The following SHE variants were observed in gnomAD, a reference collection of about 807,000 sequenced individuals.
SHE encodes SH2 domain-containing adapter protein E.
In SHE, 11 loss-of-function variants were observed where a neutral mutation model predicts 49.8. The ratio of observed to expected loss-of-function variants is 0.22; its 90% CI spans 0.14 to 0.37. SHE has a LOEUF of 0.37. Among genes scored for constraint, SHE ranks in the 10% least tolerant of loss-of-function variants. The pLI is 1.00. For missense variants in SHE, 624 were observed against 655.5 expected, an observed-to-expected ratio of 0.95 and a Z score of 0.52; for synonymous variants, 310 against 278.1, an observed-to-expected ratio of 1.11 and a Z score of -1.14.
Position 154,485,986 on chromosome 1 carries a change from G to T in SHE, c.1258C>A (p.Arg420=). 4 of 1,613,998 alleles carry T rather than the reference G, an allele frequency of 2.5e-6. No homozygotes were observed. Among genetic ancestry groups the T allele is most frequent in the Non-Finnish European group, 3.4e-6 (4 of 1,179,960 alleles). The stretch of plus-strand genomic sequence containing the variant: ...CTGCTGTTCCCTGACTCACTATTTC[G>T]AACCAGGTAACCAGCTTCTTTGCAG... ...QPCKEAGYLV[R]NSESGNSRYS... Residue 420 remains arginine, a synonymous_variant, in exon 5 of 6, where the codon CGA becomes AGA. Transcript: ENST00000304760.
chr1:154,480,575 G>A lies in SHE; in HGVS notation c.*3574C>T, dbSNP rs1171622611. 8 of 985,264 alleles carry A rather than the reference G, an allele frequency of 8.1e-6. No individual in the cohort carries two copies. In the East Asian group the frequency reaches 3.4e-4, roughly 42 times the overall value. 61.0% of individuals were successfully genotyped at this position (985,264 alleles called of 1,614,324 possible). A position where few individuals can be genotyped will look rare whatever the true frequency, so the allele number is the denominator to read the frequency against. On this transcript the variant is annotated 3_prime_UTR_variant, in exon 6 of 6. Coordinates refer to ENST00000304760, the MANE Select transcript of SHE (RefSeq NM_001010846.3). ...CTACCTGCCCACCTCCCCATCCTGCGGCAGAGGCTAGTACACAAATACCAA... is the reference window on the plus strand; with the variant it reads ...CTACCTGCCCACCTCCCCATCCTGCAGCAGAGGCTAGTACACAAATACCAA...
Position 154,481,618 on chromosome 1 carries a change from A to ATT in SHE, c.*2530_*2531insAA. On this transcript the variant is annotated 3_prime_UTR_variant, in exon 6 of 6. Coordinates refer to ENST00000304760, the MANE Select transcript of SHE (RefSeq NM_001010846.3). ...AGCTTTTAGCATTTATTAAAATTAG[A>ATT]ATAACTGCTGTATTCCCTTTGTAGA... 3 of 984,894 alleles carry ATT rather than the reference A, an allele frequency of 3.0e-6. No homozygotes were observed. The highest frequency in any genetic ancestry group is 3.6e-6 in the Non-Finnish European group (3 of 829,396). 61.0% of individuals were successfully genotyped at this position (984,894 alleles called of 1,614,324 possible).
chr1:154,501,039 G>A (rs2149301687), intron 1 of SHE, among the ~76,000 whole-genome samples: 1 of 152,270 alleles, frequency 6.6e-6, no homozygotes, highest in African/African-American at 2.4e-5. Flanking sequence ...ACACACTTGA[G>A]AGGTTACCAT....
chr1:154,479,137 T>G (rs141747666), downstream of SHE, among the ~76,000 whole-genome samples: 6 of 152,280 alleles, frequency 3.9e-5, no homozygotes, highest in Non-Finnish European at 7.4e-5. Context: ...ACATTTGTAT[T>G]AATAACAAAC....
At chr1:154,492,163 T>C (rs1692387371) in intron 2 of SHE, among the ~76,000 whole-genome samples, 1 of 152,222 alleles carries the variant, frequency 6.6e-6, no homozygotes. Context: ...TATAGTTCTC[T>C]GCTGACTAGG....
At chr1:154,501,366 C>T in intron 1 of SHE, 70 bp downstream of exon 1, 1 of 1,475,440 alleles carries the variant, frequency 6.8e-7, no homozygotes, top group Non-Finnish European at 9.3e-7. Flanking sequence ...TCTAAAGAAG[C>T]CTAGGGCTTA....
At chr1:154,496,891 A>AT (rs1350801041) in intron 2 of SHE, among the ~76,000 whole-genome samples, 3 of 152,248 alleles carry the variant, frequency 2.0e-5, no homozygotes, top group Non-Finnish European at 4.4e-5. Flanking sequence ...AAAGATAAGA[A>AT]TAAAAACCCA....
chr1:154,499,097 A>C lies in SHE; in HGVS notation c.718+15T>G. ...TGAGATTTCAGTCTCTATTCTGTAG[A>C]GCCTGCTTACAAACCTGTTATCATT... On this transcript the variant is annotated intron_variant, in intron 2 of 5. Coordinates refer to ENST00000304760, the MANE Select transcript of SHE (RefSeq NM_001010846.3). 2 of 1,613,696 alleles carry C rather than the reference A, an allele frequency of 1.2e-6. No individual in the cohort carries two copies. The highest frequency in any genetic ancestry group is 1.7e-6 in the Non-Finnish European group (2 of 1,179,790).
At chr1:154,492,486 G>A (rs375874848) in intron 2 of SHE, among the ~76,000 whole-genome samples, 23 of 152,248 alleles carry the variant, frequency 1.5e-4, no homozygotes, top group African/African-American at 5.5e-4. Context: ...TGTAAGAGTC[G>A]GAAGAACTGT....
chr1:154,501,798 C>G lies in SHE; in HGVS notation c.229G>C (p.Gly77Arg). ...GAGTTCTTGCGGCCCTTGCCAGGAC[C>G]CGGCCCAGCGCCGCCCGCCTCCGAG... ...KNSEAGGAGP[G>R]PGKGRKNSAA... The change falls in exon 1 of 6, where the codon GGT becomes CGT. Residue 77 changes from glycine to arginine, a missense_variant. Gly to Arg is a moderately radical substitution (Grantham distance 125). Coordinates refer to ENST00000304760, the MANE Select transcript of SHE (RefSeq NM_001010846.3). The G allele has an allele frequency of 6.4e-7, 1 of 1,556,278 alleles. No individual in the cohort carries two copies. Among genetic ancestry groups the G allele is most frequent in the Non-Finnish European group, 8.6e-7 (1 of 1,158,462 alleles).
At chr1:154,496,538 G>A (rs1021185771) in intron 2 of SHE, among the ~76,000 whole-genome samples, 6 of 152,278 alleles carry the variant, frequency 3.9e-5, no homozygotes, top group Middle Eastern at 3.4e-3. Context: ...TTTTGCAAAC[G>A]GCATTTCAAG....
At chr1:154,492,670 A>G (rs1391848576) in intron 2 of SHE, among the ~76,000 whole-genome samples, 1 of 152,128 alleles carries the variant, frequency 6.6e-6, no homozygotes, top group Non-Finnish European at 1.5e-5. Context: ...TTCAATTAAG[A>G]CAAGGCTGTA....
At position 154,484,021 on chromosome 1, in the gene SHE, T is replaced by C. The variant is rs1692094602; in HGVS notation, c.*128A>G. 9.0e-6 allele frequency: 13 copies of C among 1,445,898 alleles called. No individual in the cohort carries two copies. The Admixed American group carries it at 1.4e-4, about 15-fold the overall frequency. The allele number at this position is 1,445,898 out of a possible 1,614,324, so 89.6% of individuals were successfully genotyped here. A position where few individuals can be genotyped will look rare whatever the true frequency, so the allele number is the denominator to read the frequency against. ...TCAAACAAAACAAAACAAATCACTC[T>C]CTGACTTTTCAAGGAAGACTCCCAT... On this transcript the variant is annotated 3_prime_UTR_variant, in exon 6 of 6. Transcript: ENST00000304760.
intron 2 of SHE, among the ~76,000 whole-genome samples, chr1:154,493,057 C>T (rs1291563701): frequency 1.3e-5 from 2 of 152,336 alleles, no homozygotes; most frequent in Non-Finnish European, 1.5e-5. Flanking sequence ...TTATTACACA[C>T]GCGTTTGAGT....
intron 1 of SHE, among the ~76,000 whole-genome samples, chr1:154,500,963 G>T (rs1015922576): frequency 6.6e-6 from 1 of 152,134 alleles, no homozygotes; most frequent in African/African-American, 2.4e-5. Context: ...GAAAATGATG[G>T]AACTTCCAAA....
At chr1:154,487,467 C>T (rs373694058) in intron 3 of SHE, among the ~76,000 whole-genome samples, 110 of 152,012 alleles carry the variant, frequency 7.2e-4, no homozygotes, top group African/African-American at 2.7e-3. Context: ...ATACGAGATG[C>T]CATGACACCT....
At position 154,488,515 on chromosome 1, in the gene SHE, C is replaced by T. The variant is rs1181701732; in HGVS notation, c.1024+536G>A. 4.0e-5 allele frequency among the ~76,000 whole-genome samples: 6 copies of T among 150,744 alleles called. No homozygotes were observed. The South Asian group carries it at 8.4e-4, about 21-fold the overall frequency. ...CTCAAGTGATCCGCCTGCCTCAGCT[C>T]CCAAAGTGCAGGGATTACAGGTGTG... is the stretch of plus-strand genomic sequence containing the variant. On this transcript the variant is annotated intron_variant, in intron 3 of 5. Coordinates refer to ENST00000304760, the MANE Select transcript of SHE (RefSeq NM_001010846.3).
rs200240280 is a variant in SHE, at chr1:154,489,112, G to C, written c.963C>G (p.Pro321=). ...DSRLPENDER[P]AAEYEQPWEW... Reference sequence around the variant, plus strand: ...CCCATGGCTGCTCGTACTCTGCCGCGGGCCTCTCGTCGTTCTCGGGCAGCC... The same window carrying C: ...CCCATGGCTGCTCGTACTCTGCCGCCGGCCTCTCGTCGTTCTCGGGCAGCC... The change falls in exon 3 of 6, where the codon CCC becomes CCG. Residue 321 remains proline, a synonymous_variant. Coordinates refer to ENST00000304760, the MANE Select transcript of SHE (RefSeq NM_001010846.3). 2 of 1,612,954 alleles carry C rather than the reference G, an allele frequency of 1.2e-6. No homozygotes were observed. The highest frequency in any genetic ancestry group is 1.7e-6 in the Non-Finnish European group (2 of 1,179,326).
intron 5 of SHE, chr1:154,484,974 A>AG (rs1178206878): frequency 6.6e-6 from 1 of 151,746 alleles, no homozygotes; most frequent in Non-Finnish European, 1.5e-5. Flanking sequence ...CAAAAAAAAA[A>AG]AAAAAGAAAA....
Sources: gnomAD v4.1 joint callset for allele counts (sites outside exome capture counted in the v4.1 genomes callset) on GRCh38, gnomAD v4.1.1 for gene constraint, MANE v1.5 for transcripts, NCBI Gene and HGNC (gene_info 2026-07-23, HGNC 2026-07-21) for gene names.